The following IQSEC3 variants were observed in gnomAD, a reference collection of about 807,000 sequenced individuals.
The protein encoded by IQSEC3 is IQ motif and SEC7 domain-containing protein 3.
IQSEC3 carries 50 observed loss-of-function variants against 105.4 expected under a neutral mutation model. The observed-to-expected ratio is 0.47, with a 90% CI of 0.38 to 0.60. The LOEUF (loss-of-function observed/expected upper bound fraction) is 0.60. Ranked by LOEUF, IQSEC3 falls within the 20% of genes least tolerant of loss-of-function variation. The probability of loss-of-function intolerance (pLI) is 0.00; values close to 1 mark genes in which losing one functional copy is unlikely to be tolerated. For synonymous variants in IQSEC3, 708 were observed against 746.0 expected, an observed-to-expected ratio of 0.95 and a Z score of 0.83; for missense variants, 1,415 against 1,630.0, an observed-to-expected ratio of 0.87 and a Z score of 2.27.
chr12:131,816 G>A (rs1865611488), intron 3 of IQSEC3, among the ~76,000 whole-genome samples: 1 of 152,140 alleles, frequency 6.6e-6, no homozygotes, highest in Non-Finnish European at 1.5e-5. Flanking sequence ...GGCCTGGCAG[G>A]CCCAACTCTG....
rs538470065 is a variant in IQSEC3, at chr12:123,140, C to T, written c.624-2493C>T. ...TGTCTAGAGGCTGGGCACGCTGGCT[C>T]ATGCCTGCAATCCCAGCACTTTGGG... is the stretch of plus-strand genomic sequence containing the variant. On this transcript the variant is annotated intron_variant, in intron 2 of 13. Coordinates refer to ENST00000538872, the MANE Select transcript of IQSEC3 (RefSeq NM_001170738.2). Among the ~76,000 whole-genome samples, 9 of 152,316 alleles carry T rather than the reference C, an allele frequency of 5.9e-5. No individual in the cohort carries two copies. The East Asian group carries it at 1.5e-3, about 26-fold the overall frequency.
chr12:126,575 G>T (rs946508825), intron 3 of IQSEC3, among the ~76,000 whole-genome samples: 1 of 151,628 alleles, frequency 6.6e-6, no homozygotes, highest in Non-Finnish European at 1.5e-5. Context: ...GTGTGTGTGC[G>T]CTTAGAGAAA....
At chr12:131,511 G>A (rs1009868322) in intron 3 of IQSEC3, among the ~76,000 whole-genome samples, 1 of 152,232 alleles carries the variant, frequency 6.6e-6, no homozygotes, top group African/African-American at 2.4e-5. Context: ...GTGGGAGGAA[G>A]GATGGAGTGC....
intron 3 of IQSEC3, among the ~76,000 whole-genome samples, chr12:130,539 G>A (rs535060225): frequency 6.6e-6 from 1 of 152,280 alleles, no homozygotes; most frequent in South Asian, 2.1e-4. Context: ...GGTCTGTGGA[G>A]CATGAGGAGG....
In IQSEC3 at chr12:156,419, G is replaced by T. The variant is rs186355333; in HGVS notation, c.2154-606G>T. 2.3e-3 allele frequency among the ~76,000 whole-genome samples: 344 copies of T among 151,826 alleles called. 1 individual carries two copies. Among genetic ancestry groups the T allele is most frequent in the Middle Eastern group, 6.8e-3 (2 of 294 alleles). On this transcript the variant is annotated intron_variant, in intron 5 of 13. Coordinates refer to ENST00000538872, the MANE Select transcript of IQSEC3 (RefSeq NM_001170738.2). ...AGGCACATTTGTCATTTACTCTTAG[G>T]CTGTGCCTCCCATCACAGCCTCCCC...
In IQSEC3 at chr12:178,008, C is replaced by G. The variant is rs1335862463; in HGVS notation, c.*2975C>G. The G allele has an allele frequency of 6.7e-6, 1 of 149,980 alleles. No individual in the cohort carries two copies. Among genetic ancestry groups the G allele is most frequent in the East Asian group, 1.9e-4 (1 of 5,198 alleles). 9.3% of individuals were successfully genotyped at this position (149,980 alleles called of 1,614,324 possible). A position where few individuals can be genotyped will look rare whatever the true frequency, so the allele number is the denominator to read the frequency against. On this transcript the variant is annotated 3_prime_UTR_variant, in exon 14 of 14. Coordinates refer to ENST00000538872, the MANE Select transcript of IQSEC3 (RefSeq NM_001170738.2). ...GATTTGATCCATTCGGCCCCAACTC[C>G]AGAGTCGGGAATGGGAGATGAAACT...
Position 66,975 on chromosome 12 carries a change from C to A in IQSEC3, c.93C>A (p.Thr31=). The change falls in exon 1 of 14, where the codon ACC becomes ACA. Residue 31 remains threonine (T), a synonymous_variant. Transcript: ENST00000538872. ...AGAACCAGCAGAGCCTCATCCACAC[C>A]CAGCGAGAGCGTATCGACGAGCTGG... The part of the protein sequence containing the change: ...IVQNQQSLIH[T]QRERIDELER... 8 of 1,533,010 alleles carry A rather than the reference C, an allele frequency of 5.2e-6. No homozygotes were observed. Among genetic ancestry groups the A allele is most frequent in the Non-Finnish European group, 7.0e-6 (8 of 1,145,646 alleles). 95.0% of individuals were successfully genotyped at this position (1,533,010 alleles called of 1,614,324 possible).
chr12:157,741 G>A (rs1866745188), intron 7 of IQSEC3, 47 bp downstream of exon 7: 1 of 1,574,698 alleles, frequency 6.4e-7, no homozygotes. Flanking sequence ...CACGGCTCAG[G>A]CCCCATTCTG....
At chr12:111,207 G>A (rs533991509) in intron 2 of IQSEC3, among the ~76,000 whole-genome samples, 123 of 152,268 alleles carry the variant, frequency 8.1e-4, no homozygotes, top group African/African-American at 2.5e-3. Flanking sequence ...GTCTCCTCTC[G>A]TGAGGATGGA....
At chr12:89,200 C>T (rs1411009919) in intron 1 of IQSEC3, among the ~76,000 whole-genome samples, 2 of 152,124 alleles carry the variant, frequency 1.3e-5, no homozygotes, top group African/African-American at 4.8e-5. Flanking sequence ...TCTCATTGTC[C>T]CAGTTTCTGG....
At chr12:99,528 G>A (rs189002075) in intron 2 of IQSEC3, among the ~76,000 whole-genome samples, 7 of 152,350 alleles carry the variant, frequency 4.6e-5, no homozygotes, top group Admixed American at 1.3e-4. Flanking sequence ...GGGGATATTC[G>A]TGTCTCTCAC....
chr12:169,230 A>C, intron 12 of IQSEC3, 125 bp downstream of exon 12: 4 of 720,862 alleles, frequency 5.5e-6, no homozygotes, highest in Non-Finnish European at 6.9e-6. Flanking sequence ...CCTGCTGAGG[A>C]GCGCCAGGCT....
intron 2 of IQSEC3, among the ~76,000 whole-genome samples, chr12:118,984 A>G (rs1380282749): frequency 1.3e-5 from 2 of 152,210 alleles, no homozygotes; most frequent in African/African-American, 4.8e-5. Flanking sequence ...TCCTGGGTGG[A>G]AAGTTGTACT....
At chr12:132,604 G>C (rs560668601) in intron 3 of IQSEC3, among the ~76,000 whole-genome samples, 9 of 152,228 alleles carry the variant, frequency 5.9e-5, no homozygotes, top group African/African-American at 1.9e-4. Flanking sequence ...GTATAGGGGT[G>C]GGGGGTCCCA....
chr12:77,185 G>T (rs1555069403), intron 1 of IQSEC3, among the ~76,000 whole-genome samples: 1 of 152,264 alleles, frequency 6.6e-6, no homozygotes, highest in Non-Finnish European at 1.5e-5. Flanking sequence ...GTCTTGATGC[G>T]ACTTAACGCA....
At chr12:101,746 G>A (rs528259914) in intron 2 of IQSEC3, among the ~76,000 whole-genome samples, 21 of 152,234 alleles carry the variant, frequency 1.4e-4, no homozygotes, top group South Asian at 4.2e-4. Context: ...TGGCTTCTCC[G>A]AGAGGAGACC....
rs1381440179 is a variant in IQSEC3, at chr12:161,222, T to C, written c.2444-704T>C. ...TCTTATAAAAGAAGCGTATAGTCAT[T>C]AAAGAAAGATTTGGAAATAGTAGAA... On this transcript the variant is annotated intron_variant, in intron 7 of 13. Transcript: ENST00000538872. 3.3e-5 allele frequency among the ~76,000 whole-genome samples: 5 copies of C among 152,356 alleles called. No homozygotes were observed. The East Asian group carries it at 9.6e-4, about 29-fold the overall frequency.
At chr12:134,223 G>A (rs79242018) in intron 3 of IQSEC3, among the ~76,000 whole-genome samples, 7,636 of 152,352 alleles carry the variant, frequency 0.05, 246 homozygotes, top group East Asian at 0.15. Context: ...GGCCCACTAT[G>A]TGCTGGGCAC....
In IQSEC3 at chr12:152,412, C is replaced by T. The variant is rs1555092914; in HGVS notation, c.2154-4613C>T. On this transcript the variant is annotated intron_variant, in intron 5 of 13. Coordinates refer to ENST00000538872, the MANE Select transcript of IQSEC3 (RefSeq NM_001170738.2). The surrounding 1 kb of genome is among the most constrained non-coding windows in gnomAD (Gnocchi z 4.8). ...TAGGAAGACATGCATTAGTGCCAGC[C>T]ACTGAGCAGCAGAGAGCCAGGGAGA... 1.3e-5 allele frequency among the ~76,000 whole-genome samples: 2 copies of T among 152,194 alleles called. No individual in the cohort carries two copies. Among genetic ancestry groups the T allele is most frequent in the Non-Finnish European group, 2.9e-5 (2 of 68,038 alleles).
Sources: allele counts gnomAD v4.1 joint callset (sites outside exome capture counted in the v4.1 genomes callset), GRCh38; gene constraint gnomAD v4.1.1; non-coding constraint Gnocchi (gnomAD v3.1); transcripts MANE v1.5; gene names NCBI Gene and HGNC (gene_info 2026-07-23, HGNC 2026-07-21).